GABBR2: variants seen among roughly 807,000 people sequenced by gnomAD.
GABBR2 encodes the protein gamma-aminobutyric acid type B receptor subunit 2, also known as G-protein coupled receptor 51.
GABBR2 carries 23 observed loss-of-function variants against 105.6 expected under a neutral mutation model. The ratio of observed to expected loss-of-function variants is 0.22; its 90% CI spans 0.16 to 0.31. The LOEUF (loss-of-function observed/expected upper bound fraction) is 0.31. Ranked by LOEUF, GABBR2 falls within the 10% of genes least tolerant of loss-of-function variation. GABBR2 has a pLI of 1.00. For synonymous variants in GABBR2, 478 were observed against 499.7 expected (o/e 0.96, Z 0.58); for missense variants, 734 against 1,245.5 (o/e 0.59, Z 6.18).
intron 12 of GABBR2, among the ~76,000 whole-genome samples, chr9:98,364,617 T>TTTTTTTTTTTTG (rs1554695427): frequency 1.3e-5 from 2 of 151,612 alleles, no homozygotes. Context: ...TTTTTTTTTT[T>TTTTTTTTTTTTG]ATGGAATCTT....
intron 1 of GABBR2, among the ~76,000 whole-genome samples, chr9:98,629,559 C>T (rs915491188): frequency 4.6e-5 from 7 of 152,232 alleles, no homozygotes; most frequent in African/African-American, 1.7e-4. Context: ...CATTGATGGT[C>T]TGCCACGTAG....
chr9:98,388,825 T>C lies in GABBR2; in HGVS notation c.1529+29A>G, dbSNP rs754770774. ...ATAGGCTTGTCAATTTAGAAAGTGA[T>C]ATCACAGAGGAGGACCAGGGTGGCT... is the stretch of plus-strand genomic sequence containing the variant. On this transcript the variant is annotated intron_variant, in intron 10 of 18. Transcript: ENST00000259455. The surrounding 1 kb of genome is among the most constrained non-coding windows in gnomAD (Gnocchi z 4.4). 8.2e-6 allele frequency: 13 copies of C among 1,585,934 alleles called. No individual in the cohort carries two copies. Among genetic ancestry groups the C allele is most frequent in the South Asian group, 2.3e-5 (2 of 88,414 alleles).
At chr9:98,607,625 C>A in intron 1 of GABBR2, 1 of 718,524 alleles carries the variant, frequency 1.4e-6, no homozygotes, top group South Asian at 1.7e-5. Context: ...AAGCAGCATC[C>A]TTGGGGTATT....
chr9:98,657,336 C>G (rs1830196772), intron 1 of GABBR2, among the ~76,000 whole-genome samples: 1 of 152,196 alleles, frequency 6.6e-6, no homozygotes, highest in Non-Finnish European at 1.5e-5. Flanking sequence ...ACCAAGAAGA[C>G]TGTACGTTTT....
At chr9:98,376,615 C>T (rs1831878427) in intron 11 of GABBR2, among the ~76,000 whole-genome samples, 1 of 152,156 alleles carries the variant, frequency 6.6e-6, no homozygotes, top group African/African-American at 2.4e-5. Flanking sequence ...CTCCAGGGCC[C>T]ATCTTGTCTT....
chr9:98,306,569 G>A lies in GABBR2; in HGVS notation c.2005-224C>T. On this transcript the variant is annotated intron_variant, in intron 14 of 18. Coordinates refer to ENST00000259455, the MANE Select transcript of GABBR2 (RefSeq NM_005458.8). The surrounding 1 kb of genome is among the most constrained non-coding windows in gnomAD (Gnocchi z 5.4). ...AATGCAGACTGGGGATGTGACAGCT[G>A]TCCAGTTCTCCTGCACCCCTATGAC... is the stretch of plus-strand genomic sequence containing the variant. 3.5e-6 allele frequency: 2 copies of A among 577,404 alleles called. No individual in the cohort carries two copies. Among genetic ancestry groups the A allele is most frequent in the South Asian group, 2.0e-5 (1 of 50,704 alleles). 35.8% of individuals were successfully genotyped at this position (577,404 alleles called of 1,614,324 possible).
intron 2 of GABBR2, among the ~76,000 whole-genome samples, chr9:98,558,191 G>A (rs1396380413): frequency 6.6e-6 from 1 of 152,190 alleles, no homozygotes; most frequent in Non-Finnish European, 1.5e-5. Context: ...AGCAACATTT[G>A]GGACATTCTT....
chr9:98,621,602 C>T (rs1829671990), intron 1 of GABBR2, among the ~76,000 whole-genome samples: 1 of 152,178 alleles, frequency 6.6e-6, no homozygotes, highest in South Asian at 2.1e-4. Flanking sequence ...ACTAAGGGCT[C>T]CTTCAGGAAA....
At chr9:98,336,318 G>A (rs1460079130) in intron 13 of GABBR2, among the ~76,000 whole-genome samples, 1 of 152,218 alleles carries the variant, frequency 6.6e-6, no homozygotes, top group African/African-American at 2.4e-5. Context: ...AGTGGGACTG[G>A]ATTGTGTAGG....
At chr9:98,649,611 G>C (rs1426658717) in intron 1 of GABBR2, among the ~76,000 whole-genome samples, 1 of 152,116 alleles carries the variant, frequency 6.6e-6, no homozygotes, top group Non-Finnish European at 1.5e-5. Flanking sequence ...TCACAAGCCC[G>C]GGGACTAAGG....
intron 1 of GABBR2, among the ~76,000 whole-genome samples, chr9:98,702,095 C>A (rs1451717653): frequency 6.6e-6 from 1 of 152,088 alleles, no homozygotes; most frequent in African/African-American, 2.4e-5. Context: ...AAACAGACCT[C>A]CCCAAGGTCA....
In GABBR2 at chr9:98,454,202, C is replaced by T. The variant is rs1399289874; in HGVS notation, c.1015G>A (p.Glu339Lys). Residue 339 changes from glutamate (E) to lysine (K), a missense_variant, in exon 7 of 19, where the codon GAG (glutamate) becomes AAG (lysine). Glu to Lys is a moderately conservative substitution (Grantham distance 56). Around this residue, in one of 7 missense-constraint regions of GABBR2, gnomAD observed 370 missense variants for 648.9 expected, o/e 0.57. Transcript: ENST00000259455. The surrounding 1 kb of genome is among the most constrained non-coding windows in gnomAD (Gnocchi z 4.6). ...GACCGCTTGTTGTTGTACTCTCTCT[C>T]ATACTGCTGTGGAGTCTGGAAAAAC... ...TISGKTPQQY[E>K]REYNNKRSGV... 6.2e-7 allele frequency: 1 copy of T among 1,612,838 alleles called. No homozygotes were observed. Among genetic ancestry groups the T allele is most frequent in the South Asian group, 1.1e-5 (1 of 91,050 alleles).
rs527685551 is a variant in GABBR2 at position 98,329,391 on chromosome 9, C to T, written c.1894-18186G>A. Among the ~76,000 whole-genome samples the T allele has an allele frequency of 4.6e-5, 7 of 152,350 alleles. No homozygotes were observed. The South Asian group carries it at 1.0e-3, about 23-fold the overall frequency. On this transcript the variant is annotated intron_variant, in intron 13 of 18. Coordinates refer to ENST00000259455, the MANE Select transcript of GABBR2 (RefSeq NM_005458.8). ...TTCTATGACTAAACACCTAGTCACA[C>T]AGACAATTGTTAATTATGGAGGGAG...
intron 12 of GABBR2, 128 bp from the exon 13 acceptor site, chr9:98,362,965 C>T: frequency 1.4e-6 from 1 of 692,352 alleles, no homozygotes; most frequent in Non-Finnish European, 2.2e-6. Flanking sequence ...CTGCGATTCC[C>T]CATCACCCAC....
chr9:98,514,103 A>C (rs1827709049), intron 3 of GABBR2, among the ~76,000 whole-genome samples: 1 of 139,338 alleles, frequency 7.2e-6, no homozygotes, highest in Admixed American at 7.1e-5. Context: ...TGTCCTTTGT[A>C]GGGACATGGA....
At position 98,473,160 on chromosome 9, in the gene GABBR2, T is replaced by C; in HGVS notation, c.985A>G (p.Thr329Ala). 6.2e-7 allele frequency: 1 copy of C among 1,613,132 alleles called. No homozygotes were observed. Among genetic ancestry groups the C allele is most frequent in the Non-Finnish European group, 8.5e-7 (1 of 1,179,438 alleles). The part of the protein sequence containing the change: ...FEPLSSKQIK[T>A]ISGKTPQQYE... ...AAGGCACTGACCTTTCCTGAGATGGTCTTGATCTGCTTGGAGCTCAGGGGC... is the reference window on the plus strand; with the variant it reads ...AAGGCACTGACCTTTCCTGAGATGGCCTTGATCTGCTTGGAGCTCAGGGGC... The change falls in exon 6 of 19, where the codon ACC (threonine) becomes GCC (alanine). Residue 329 changes from threonine (T) to alanine (A), a missense_variant. By Grantham distance (58) the Thr-to-Ala change is moderately conservative. This residue lies in a region of GABBR2 where 370 missense variants were observed against 648.9 expected (regional missense o/e 0.57). Transcript: ENST00000259455.
intron 13 of GABBR2, among the ~76,000 whole-genome samples, chr9:98,343,864 A>G (rs767293915): frequency 1.4e-4 from 21 of 151,922 alleles, no homozygotes; most frequent in Non-Finnish European, 2.5e-4. Flanking sequence ...TCAAAATAAA[A>G]AAAAGAAAAA....
chr9:98,578,611 T>C lies in GABBR2; in HGVS notation c.322-539A>G, dbSNP rs529047792. On this transcript the variant is annotated intron_variant, in intron 1 of 18. Transcript: ENST00000259455. Reference sequence around the variant, plus strand: ...GATCTAGCAATTCCACCTCTAGACGTATACCCAAAACAACCGAAGGCAGGG... The same window carrying C: ...GATCTAGCAATTCCACCTCTAGACGCATACCCAAAACAACCGAAGGCAGGG... 3.3e-4 allele frequency among the ~76,000 whole-genome samples: 50 copies of C among 152,238 alleles called. No homozygotes were observed. In the South Asian group the frequency reaches 0.01, roughly 32 times the overall value.
intron 1 of GABBR2, among the ~76,000 whole-genome samples, chr9:98,666,212 G>A (rs1830330988): frequency 6.6e-6 from 1 of 152,220 alleles, no homozygotes; most frequent in Non-Finnish European, 1.5e-5. Flanking sequence ...CTGCAGGACA[G>A]GGTACCATGT....
Sources: gnomAD v4.1 joint callset for allele counts (sites outside exome capture counted in the v4.1 genomes callset) on GRCh38, gnomAD v4.1.1 for gene constraint, gnomAD v4.1.1 regional missense constraint, Gnocchi (gnomAD v3.1) non-coding constraint, MANE v1.5 for transcripts, NCBI Gene and HGNC (gene_info 2026-07-23, HGNC 2026-07-21) for gene names.